The following CABP5 variants were observed in gnomAD, a reference collection of about 807,000 sequenced individuals.
CABP5 encodes calcium binding protein 5.
In CABP5, 17 loss-of-function variants were observed where a neutral mutation model predicts 21.9. The observed-to-expected ratio is 0.78, with a 90% confidence interval of 0.53 to 1.17. The LOEUF (loss-of-function observed/expected upper bound fraction) is 1.17, where lower values mean the gene tolerates loss of function less well. Ranked by LOEUF, CABP5 falls within the 50% of genes most tolerant of loss-of-function variation. CABP5 has a pLI of 0.00. For synonymous variants in CABP5, 85 were observed against 79.4 expected, an observed-to-expected ratio of 1.07 and a Z score of -0.37; for missense variants, 229 against 228.9, an observed-to-expected ratio of 1.00 and a Z score of 0.00.
chr19:48,042,041 A>T (rs1228342193), intron 1 of CABP5, among the ~76,000 whole-genome samples: 1 of 152,114 alleles, frequency 6.6e-6, no homozygotes, highest in African/African-American at 2.4e-5. Context: ...TCTCGTTTCC[A>T]TCTTACCCAT....
chr19:48,034,453 G>A, intron 4 of CABP5, 91 bp from the exon 5 acceptor site: 1 of 980,258 alleles, frequency 1.0e-6, no homozygotes, highest in Non-Finnish European at 1.4e-6. Flanking sequence ...TGTGGGTCAA[G>A]CACTGAGATA....
In CABP5 at chr19:48,031,275, C is replaced by T. The variant is rs141539320; in HGVS notation, c.497-693G>A. 4.8e-3 allele frequency among the ~76,000 whole-genome samples: 725 copies of T among 152,256 alleles called. 7 individuals are homozygous for T. Among genetic ancestry groups the T allele is most frequent in the African/African-American group, 0.017 (691 of 41,544 alleles). On this transcript the variant is annotated intron_variant, in intron 5 of 5. Transcript: ENST00000293255. Reference sequence around the variant, plus strand: ...CTATTGTTGGCCGGGCGCGGTGGCTCATAACTGTAATCCCAGCACTTTGGG... The same window carrying T: ...CTATTGTTGGCCGGGCGCGGTGGCTTATAACTGTAATCCCAGCACTTTGGG...
chr19:48,029,826 GAGAGA>G lies in CABP5; in HGVS notation c.*726_*730del, dbSNP rs1967316107. The G allele has an allele frequency of 6.6e-6, 1 of 150,786 alleles. No individual in the cohort carries two copies. The highest frequency in any genetic ancestry group is 6.6e-5 in the Admixed American group (1 of 15,170). 9.3% of individuals were successfully genotyped at this position (150,786 alleles called of 1,614,324 possible). A position where few individuals can be genotyped will look rare whatever the true frequency, so the allele number is the denominator to read the frequency against. On this transcript the variant is annotated 3_prime_UTR_variant, in exon 6 of 6. Coordinates refer to ENST00000293255, the MANE Select transcript of CABP5 (RefSeq NM_019855.5). ...AGAGAGAGAGAGAGAGAGAGAGAGAGAGAGAGAGAGAAACCAGACAGTGCTTCCAG... is the reference window on the plus strand; with the variant it reads ...AGAGAGAGAGAGAGAGAGAGAGAGAGGAGAGAAACCAGACAGTGCTTCCAG...
At position 48,034,208 on chromosome 19, in the gene CABP5, A is replaced by G; in HGVS notation, c.496+7T>C. 2 of 1,555,874 alleles carry G rather than the reference A, an allele frequency of 1.3e-6. No homozygotes were observed. Among genetic ancestry groups the G allele is most frequent in the Non-Finnish European group, 1.7e-6 (2 of 1,149,618 alleles). On this transcript the variant is annotated splice_region_variant and intron_variant, in intron 5 of 5. Coordinates refer to ENST00000293255, the MANE Select transcript of CABP5 (RefSeq NM_019855.5). ...CCCCGCTCCCCACCACGCCCCGTCA[A>G]TGTCACCTTCAAAGTCAACTGTGCC...
intron 4 of CABP5, among the ~76,000 whole-genome samples, chr19:48,037,302 C>A (rs751114422): frequency 1.9e-5 from 1 of 52,784 alleles, no homozygotes; most frequent in Non-Finnish European, 3.8e-5. Flanking sequence ...GAGTTTCGCT[C>A]TTTTTACCCA....
chr19:48,037,259 CTTTTTTTTTTTTT>C (rs57230665), intron 4 of CABP5, among the ~76,000 whole-genome samples: 6 of 44,958 alleles, frequency 1.3e-4, no homozygotes, highest in East Asian at 1.0e-3. Flanking sequence ...TACTATTCAG[CTTTTTTTTTTTTT>C]TTTTTTTTTT....
At chr19:48,041,162 G>A (rs1268681586) in intron 2 of CABP5, among the ~76,000 whole-genome samples, 1 of 151,490 alleles carries the variant, frequency 6.6e-6, no homozygotes, top group East Asian at 1.9e-4. Context: ...CTCCAGCCTG[G>A]CAACAAGAGC....
At position 48,039,703 on chromosome 19, in the gene CABP5, CTTTTTTTT is replaced by C. The variant is rs772482700; in HGVS notation, c.239-394_239-387del. On this transcript the variant is annotated intron_variant, in intron 3 of 5. Coordinates refer to ENST00000293255, the MANE Select transcript of CABP5 (RefSeq NM_019855.5). ...ACATGCCCAGAAGCAAACCCAATAG[CTTTTTTTT>C]TTTTTTTTTTTTTTTTTTTTGAGAC... Among the ~76,000 whole-genome samples, 411 of 59,206 alleles carry C rather than the reference CTTTTTTTT, an allele frequency of 6.9e-3. 3 individuals carry two copies. Among genetic ancestry groups the C allele is most frequent in the African/African-American group, 0.028 (395 of 14,224 alleles). The allele number at this position is 59,206 out of a possible 152,430, so 38.8% of individuals were successfully genotyped here. A position where few individuals can be genotyped will look rare whatever the true frequency, so the allele number is the denominator to read the frequency against.
At chr19:48,037,259 CTTTTTTTTTTT>C (rs57230665) in intron 4 of CABP5, among the ~76,000 whole-genome samples, 1 of 44,976 alleles carries the variant, frequency 2.2e-5, no homozygotes, top group African/African-American at 7.3e-5. Flanking sequence ...TACTATTCAG[CTTTTTTTTTTT>C]TTTTTTTTTT....
At position 48,043,845 on chromosome 19, in the gene CABP5, C is replaced by A. The variant is rs200852642; in HGVS notation, c.63+15G>T. 6,505 of 1,494,076 alleles carry A rather than the reference C, an allele frequency of 4.4e-3. 64 individuals are homozygous for A. The highest frequency in any genetic ancestry group is 0.03 in the South Asian group (2,215 of 74,296). The allele number at this position is 1,494,076 out of a possible 1,614,324, so 92.6% of individuals were successfully genotyped here. A position where few individuals can be genotyped will look rare whatever the true frequency, so the allele number is the denominator to read the frequency against. ...TGCCCCGCCCACCGCCCTTCCCCCT[C>A]ACTCCCCACCTCACCCGCTGTTTCT... On this transcript the variant is annotated intron_variant, in intron 1 of 5. Coordinates refer to ENST00000293255, the MANE Select transcript of CABP5 (RefSeq NM_019855.5).
At position 48,039,135 on chromosome 19, in the gene CABP5, C is replaced by T. The variant is rs1463135877; in HGVS notation, c.348+73G>A. ...CCTGGTTGGTGGGTGCTGTCCATGG[C>T]ATTGGCTAATTACAGGCAGACCTCA... On this transcript the variant is annotated intron_variant, in intron 4 of 5. Coordinates refer to ENST00000293255, the MANE Select transcript of CABP5 (RefSeq NM_019855.5). The T allele has an allele frequency of 3.3e-6, 4 of 1,198,968 alleles. No individual in the cohort carries two copies. In the African/African-American group the frequency reaches 4.5e-5, roughly 13 times the overall value. The allele number at this position is 1,198,968 out of a possible 1,614,324, so 74.3% of individuals were successfully genotyped here.
At position 48,041,597 on chromosome 19, in the gene CABP5, G is replaced by T; in HGVS notation, c.70C>A (p.Pro24Thr). 4 of 1,611,192 alleles carry T rather than the reference G, an allele frequency of 2.5e-6. No homozygotes were observed. The highest frequency in any genetic ancestry group is 2.5e-6 in the Non-Finnish European group (3 of 1,179,196). ...KGIAEKQRER[P>T]LGQDEIEELR... ...CCTTCAATCTCATCTTGTCCCAGTG[G>T]TCTTTCCTGGAAAGGAATGCAGATG... Residue 24 changes from proline (P) to threonine (T), a missense_variant, in exon 2 of 6, where the codon CCA becomes ACA. Coordinates refer to ENST00000293255, the MANE Select transcript of CABP5 (RefSeq NM_019855.5).
At chr19:48,041,543 C>T (rs768083218) in intron 2 of CABP5, 30 bp downstream of exon 2, 47 of 1,610,344 alleles carry the variant, frequency 2.9e-5, no homozygotes, top group South Asian at 2.8e-4. Flanking sequence ...TGGATGGCAA[C>T]GTGGAAGCAA....
At chr19:48,038,081 AT>A (rs993785131) in intron 4 of CABP5, among the ~76,000 whole-genome samples, 4 of 151,734 alleles carry the variant, frequency 2.6e-5, no homozygotes, top group African/African-American at 9.7e-5. Flanking sequence ...GTCTGGCTAA[AT>A]TTTTTTGCAT....
rs1967325969 is a variant in CABP5 at position 48,030,471 on chromosome 19, G to C, written c.*86C>G. On this transcript the variant is annotated 3_prime_UTR_variant, in exon 6 of 6. Transcript: ENST00000293255. The stretch of plus-strand genomic sequence containing the variant: ...CTGCCCTCCCTCTCTGCTTTAAGGG[G>C]ATCTGGGGCTTTTGGGCTTTGGTTC... The C allele has an allele frequency of 7.1e-7, 1 of 1,409,192 alleles. No homozygotes were observed. The highest frequency in any genetic ancestry group is 9.9e-7 in the Non-Finnish European group (1 of 1,014,774). 87.3% of individuals were successfully genotyped at this position (1,409,192 alleles called of 1,614,324 possible).
chr19:48,038,878 G>A (rs891016), intron 4 of CABP5, among the ~76,000 whole-genome samples: 12,835 of 151,948 alleles, frequency 0.084, 639 homozygotes, highest in African/African-American at 0.11. Context: ...TCTTGGATAA[G>A]ATTTATAATC....
chr19:48,041,949 T>C (rs974229199), intron 1 of CABP5, among the ~76,000 whole-genome samples: 4 of 152,154 alleles, frequency 2.6e-5, no homozygotes, highest in Non-Finnish European at 4.4e-5. Context: ...AGCTAACTCA[T>C]TCAGAGTGGT....
Position 48,044,015 on chromosome 19 carries a change from C to A in CABP5, c.-93G>T. On this transcript the variant is annotated 5_prime_UTR_variant, in exon 1 of 6. Coordinates refer to ENST00000293255, the MANE Select transcript of CABP5 (RefSeq NM_019855.5). Reference sequence around the variant, plus strand: ...AGCTCAGCCTCCTTATCTTCTCCAGCACTCCTTTGCCACCTCTTCCTGCCT... The same window carrying A: ...AGCTCAGCCTCCTTATCTTCTCCAGAACTCCTTTGCCACCTCTTCCTGCCT... 1 of 1,100,124 alleles carries A rather than the reference C, an allele frequency of 9.1e-7. No homozygotes were observed. Among genetic ancestry groups the A allele is most frequent in the Admixed American group, 3.1e-5 (1 of 32,336 alleles). 68.1% of individuals were successfully genotyped at this position (1,100,124 alleles called of 1,614,324 possible).
intron 5 of CABP5, among the ~76,000 whole-genome samples, chr19:48,032,348 T>TC (rs1892692854): frequency 7.3e-6 from 1 of 136,868 alleles, no homozygotes; most frequent in African/African-American, 2.6e-5. Flanking sequence ...TTTTTTTTTT[T>TC]TCTGGAGACG....
Sources: gnomAD v4.1 joint callset for allele counts (sites outside exome capture counted in the v4.1 genomes callset) on GRCh38, gnomAD v4.1.1 for gene constraint, MANE v1.5 for transcripts, NCBI Gene and HGNC (gene_info 2026-07-23, HGNC 2026-07-21) for gene names.